The following RGS7 variants were observed in gnomAD, a reference collection of about 807,000 sequenced individuals.
RGS7 encodes regulator of G protein signaling 7.
In RGS7, 27 loss-of-function variants were observed where a neutral mutation model predicts 81.1. The ratio of observed to expected loss-of-function variants is 0.33; its 90% confidence interval spans 0.25 to 0.46. The LOEUF (loss-of-function observed/expected upper bound fraction) is 0.46, where lower values mean the gene tolerates loss of function less well. Ranked by LOEUF, RGS7 falls within the 20% of genes least tolerant of loss-of-function variation. RGS7 has a pLI of 1.00. For synonymous variants in RGS7, 208 were observed against 207.7 expected (o/e 1.00, Z -0.01); for missense variants, 396 against 607.4 (o/e 0.65, Z 3.66).
intron 9 of RGS7, among the ~76,000 whole-genome samples, chr1:240,830,692 CTG>C (rs1033675593): frequency 6.6e-6 from 1 of 152,088 alleles, no homozygotes; most frequent in African/African-American, 2.4e-5. Flanking sequence ...AATAAAGAAA[CTG>C]TATTTTCTTT....
chr1:241,001,144 GT>G (rs1480445194), intron 3 of RGS7, among the ~76,000 whole-genome samples: 1 of 152,100 alleles, frequency 6.6e-6, no homozygotes, highest in African/African-American at 2.4e-5. Context: ...GTGTGTGTGT[GT>G]TTTCATAGGC....
chr1:240,888,883 A>C (rs1667808220), intron 6 of RGS7, among the ~76,000 whole-genome samples: 1 of 152,196 alleles, frequency 6.6e-6, no homozygotes, highest in African/African-American at 2.4e-5. Flanking sequence ...AGAGGGAAGC[A>C]GCGGGTGCAA....
chr1:241,231,987 G>A (rs79414713), intron 2 of RGS7, among the ~76,000 whole-genome samples: 4,382 of 152,182 alleles, frequency 0.029, 85 homozygotes, highest in Non-Finnish European at 0.038. Context: ...TATTCATTTT[G>A]AGGTAATTTT....
chr1:241,235,869 G>C (rs2075933306), intron 2 of RGS7, among the ~76,000 whole-genome samples: 1 of 137,602 alleles, frequency 7.3e-6, no homozygotes, highest in Non-Finnish European at 1.6e-5. Flanking sequence ...ACCTAATATA[G>C]GGAGTGAGAT....
chr1:241,116,113 A>G (rs1399741938), intron 2 of RGS7, among the ~76,000 whole-genome samples: 1 of 152,050 alleles, frequency 6.6e-6, no homozygotes, highest in Non-Finnish European at 1.5e-5. Flanking sequence ...AGTCAACTAA[A>G]TCTCTTTTCT....
chr1:241,004,193 A>G (rs1275971278), intron 3 of RGS7, among the ~76,000 whole-genome samples: 1 of 152,202 alleles, frequency 6.6e-6, no homozygotes, highest in Non-Finnish European at 1.5e-5. Flanking sequence ...CTAAGGCCTG[A>G]AATCCTGAAG....
At chr1:240,780,622 G>A (rs1241805308) in intron 18 of RGS7, among the ~76,000 whole-genome samples, 1 of 151,688 alleles carries the variant, frequency 6.6e-6, no homozygotes, top group Admixed American at 6.6e-5. Context: ...CAAAATTCTG[G>A]GAAGAAGAAT....
At position 240,810,302 on chromosome 1, in the gene RGS7, G is replaced by C. The variant is rs188101210; in HGVS notation, c.1082+1616C>G. 1.8e-4 allele frequency among the ~76,000 whole-genome samples: 27 copies of C among 152,200 alleles called. No homozygotes were observed. In the East Asian group the frequency reaches 5.0e-3, roughly 28 times the overall value. The stretch of plus-strand genomic sequence containing the variant: ...TATTTGGCTAGGTGAGGCTGGTAAG[G>C]CTTATTACTTATTTATTTACTCATG... On this transcript the variant is annotated intron_variant, in intron 14 of 18. Transcript: ENST00000440928.
rs562844902 is a variant in RGS7, at chr1:240,994,007, G to T, written c.176-10878C>A. On this transcript the variant is annotated intron_variant, in intron 3 of 18. Transcript: ENST00000440928. ...GTCTATTTGTGTGGATCTATTTCTG[G>T]ATTCTCTATTCTGTTTTATTGATCT... Among the ~76,000 whole-genome samples, 4 of 151,894 alleles carry T rather than the reference G, an allele frequency of 2.6e-5. No individual in the cohort carries two copies. The South Asian group carries it at 6.3e-4, about 24-fold the overall frequency.
chr1:240,885,659 T>C (rs188170508), intron 6 of RGS7, among the ~76,000 whole-genome samples: 2 of 152,156 alleles, frequency 1.3e-5, no homozygotes, highest in African/African-American at 4.8e-5. Flanking sequence ...GAAAACCAAA[T>C]GCCACATGTT....
chr1:240,890,276 CT>C (rs1338296669), intron 6 of RGS7, among the ~76,000 whole-genome samples: 2 of 152,126 alleles, frequency 1.3e-5, no homozygotes, highest in Non-Finnish European at 2.9e-5. Context: ...CCTCAGCCTC[CT>C]GAGTAGCTGG....
intron 2 of RGS7, among the ~76,000 whole-genome samples, chr1:241,348,766 G>A (rs2083059025): frequency 1.3e-5 from 2 of 152,260 alleles, no homozygotes; most frequent in African/African-American, 4.8e-5. Context: ...CCATTAATGA[G>A]TAGAGGAAGC....
chr1:241,025,363 G>T (rs959777617), intron 3 of RGS7, among the ~76,000 whole-genome samples: 1 of 152,250 alleles, frequency 6.6e-6, no homozygotes, highest in East Asian at 1.9e-4. Flanking sequence ...TATGTATTAG[G>T]CATTTTAATC....
intron 9 of RGS7, among the ~76,000 whole-genome samples, chr1:240,846,488 C>T (rs909318566): frequency 1.3e-5 from 2 of 152,120 alleles, no homozygotes; most frequent in African/African-American, 2.4e-5. Flanking sequence ...AAGGTGGTTC[C>T]AGCAGCATCT....
intron 6 of RGS7, among the ~76,000 whole-genome samples, chr1:240,905,583 C>G (rs942293567): frequency 6.6e-6 from 1 of 152,172 alleles, no homozygotes; most frequent in African/African-American, 2.4e-5. Context: ...GGATATGAAG[C>G]CCAGTTAGTC....
intron 3 of RGS7, among the ~76,000 whole-genome samples, chr1:241,043,381 T>C (rs1233088234): frequency 2.6e-5 from 4 of 151,750 alleles, no homozygotes; most frequent in Non-Finnish European, 5.9e-5. Context: ...TTTTTCTCTA[T>C]GATATTGTTG....
chr1:241,185,822 G>A (rs571206279), intron 2 of RGS7, among the ~76,000 whole-genome samples: 19 of 152,082 alleles, frequency 1.2e-4, no homozygotes, highest in African/African-American at 4.3e-4. Context: ...AAGTATTGTG[G>A]TATGCATTCA....
At chr1:241,043,627 A>G (rs868091650) in intron 3 of RGS7, among the ~76,000 whole-genome samples, 2 of 147,586 alleles carry the variant, frequency 1.4e-5, no homozygotes, top group South Asian at 4.2e-4. Flanking sequence ...TATTTTATAT[A>G]ATACATATTA....
chr1:240,930,793 C>A, intron 5 of RGS7, 25 bp from the exon 6 acceptor site: 2 of 1,611,442 alleles, frequency 1.2e-6, no homozygotes, highest in South Asian at 1.1e-5. Flanking sequence ...GAAGTGGAAC[C>A]CAGATTAGAC....
Sources: gnomAD v4.1 joint callset for allele counts (sites outside exome capture counted in the v4.1 genomes callset) on GRCh38, gnomAD v4.1.1 for gene constraint, MANE v1.5 for transcripts, NCBI Gene and HGNC (gene_info 2026-07-23, HGNC 2026-07-21) for gene names.